The following KANK1 variants were observed in gnomAD, a reference collection of about 807,000 sequenced individuals.
KANK1 encodes KN motif and ankyrin repeat domains 1.
Under a neutral mutation model 106.2 loss-of-function variants are expected in KANK1, and 109 were observed. The observed-to-expected ratio is 1.03, with a 90% CI of 0.88 to 1.20. The LOEUF is 1.20. Ranked by LOEUF, KANK1 falls within the 50% of genes most tolerant of loss-of-function variation. KANK1 has a pLI of 0.00. For synonymous variants in KANK1, 873 were observed against 652.2 expected, an observed-to-expected ratio of 1.34 and a Z score of -5.16; for missense variants, 2,399 against 1,710.7, an observed-to-expected ratio of 1.40 and a Z score of -7.10.
chr9:471,532 G>A (rs1172128523), intron 2 of KANK1: 1 of 152,204 alleles, frequency 6.6e-6, no homozygotes, highest in East Asian at 1.9e-4. Context: ...CAGGACCAAA[G>A]TAAATAAGAT....
chr9:478,874 TGAA>T (rs2132121524), intron 3 of KANK1, among the ~76,000 whole-genome samples: 1 of 152,038 alleles, frequency 6.6e-6, no homozygotes, highest in Non-Finnish European at 1.5e-5. Context: ...CCCCATTATA[TGAA>T]GAAGACAAAT....
At chr9:694,844 G>A (rs571409536) in intron 2 of KANK1, among the ~76,000 whole-genome samples, 1 of 152,316 alleles carries the variant, frequency 6.6e-6, no homozygotes, top group South Asian at 2.1e-4. Flanking sequence ...CTGGAAAGGT[G>A]CTGCTGAGTG....
chr9:545,558 G>A lies in KANK1; in HGVS notation c.-84+40804G>A, dbSNP rs140169730. ...AGGAGGAATGGACAGAAAGGGTGGA[G>A]GAAATCTTCATGGGTGCTTTTCAAG... is the stretch of plus-strand genomic sequence containing the variant. On this transcript the variant is annotated intron_variant, in intron 1 of 11. Coordinates refer to ENST00000382297, the MANE Select transcript of KANK1 (RefSeq NM_015158.5). Among the ~76,000 whole-genome samples, 49 of 152,128 alleles carry A rather than the reference G, an allele frequency of 3.2e-4. No individual in the cohort carries two copies. In the East Asian group the frequency reaches 9.3e-3, roughly 29 times the overall value.
At chr9:710,747 GT>G in intron 2 of KANK1, 56 bp from the exon 3 acceptor site, 1 of 1,469,074 alleles carries the variant, frequency 6.8e-7, no homozygotes, top group Non-Finnish European at 9.1e-7. Context: ...ACAAATATTA[GT>G]TTTTACCATT....
chr9:693,624 G>A lies in KANK1; in HGVS notation c.37+16615G>A, dbSNP rs555636950. The stretch of plus-strand genomic sequence containing the variant: ...AATTAAACCCCGTGGCCAGCAGGCT[G>A]TTAGTTCGTCAGGAAATTCCAAATG... On this transcript the variant is annotated intron_variant, in intron 2 of 11. Coordinates refer to ENST00000382297, the MANE Select transcript of KANK1 (RefSeq NM_015158.5). 2.2e-4 allele frequency: 212 copies of A among 985,406 alleles called. 1 individual carries two copies. The African/African-American group carries it at 3.6e-3, about 17-fold the overall frequency. The allele number at this position is 985,406 out of a possible 1,614,324, so 61.0% of individuals were successfully genotyped here.
chr9:586,187 T>C (rs948968386), intron 1 of KANK1, among the ~76,000 whole-genome samples: 1 of 152,228 alleles, frequency 6.6e-6, no homozygotes, highest in African/African-American at 2.4e-5. Flanking sequence ...TGTCTAAGTT[T>C]GGCAGAGTGG....
intron 1 of KANK1, among the ~76,000 whole-genome samples, chr9:618,884 T>C (rs1049166638): frequency 1.3e-5 from 2 of 152,152 alleles, no homozygotes; most frequent in Non-Finnish European, 1.5e-5. Context: ...CCATGGCTCC[T>C]CACGAGCCTT....
intron 2 of KANK1, among the ~76,000 whole-genome samples, chr9:678,848 G>C (rs1816921881): frequency 6.6e-6 from 1 of 152,128 alleles, no homozygotes; most frequent in Non-Finnish European, 1.5e-5. Context: ...CTGATGATGT[G>C]GTTTCCTCCC....
chr9:623,821 A>T (rs1472686159), intron 1 of KANK1, among the ~76,000 whole-genome samples: 1 of 152,120 alleles, frequency 6.6e-6, no homozygotes, highest in Non-Finnish European at 1.5e-5. Flanking sequence ...CATTATGGAC[A>T]TTGGTATGGA....
chr9:594,681 C>T (rs751834018), intron 1 of KANK1, among the ~76,000 whole-genome samples: 1 of 151,656 alleles, frequency 6.6e-6, no homozygotes, highest in Non-Finnish European at 1.5e-5. Flanking sequence ...AAACTCTGAT[C>T]CACAATTATA....
intron 2 of KANK1, among the ~76,000 whole-genome samples, chr9:705,373 C>T (rs1823799102): frequency 6.6e-6 from 1 of 152,130 alleles, no homozygotes; most frequent in South Asian, 2.1e-4. Context: ...GTAATCCCAG[C>T]TCCTCGGGAG....
Position 474,505 on chromosome 9 carries a change from C to T in KANK1, c.-362+1232C>T, listed in dbSNP as rs190359690. On this transcript the variant is annotated intron_variant, in intron 3 of 15. Transcript: ENST00000382303. ...AGGTGCCAGGCCTAGGACAAGGGCT[C>T]AATAAATGTCAGCGATTATTTTATT... 5.9e-4 allele frequency among the ~76,000 whole-genome samples: 90 copies of T among 152,292 alleles called. 2 individuals carry two copies. The highest frequency in any genetic ancestry group is 2.1e-4 in the South Asian group (1 of 4,818).
chr9:526,136 A>G lies in KANK1; in HGVS notation c.-84+21382A>G, dbSNP rs982401644. On this transcript the variant is annotated intron_variant, in intron 1 of 11. Transcript: ENST00000382297. ...ATTTTGTGATCTTAGTCACTTTACA[A>G]TTATAAAAATTTTGGAGCTAATGAG... is the stretch of plus-strand genomic sequence containing the variant. Among the ~76,000 whole-genome samples, 29 of 151,714 alleles carry G rather than the reference A, an allele frequency of 1.9e-4. 2 individuals carry two copies. The highest frequency in any genetic ancestry group is 6.8e-4 in the African/African-American group (28 of 41,020).
chr9:482,123 A>C (rs1011162688), intron 3 of KANK1, among the ~76,000 whole-genome samples: 1 of 152,184 alleles, frequency 6.6e-6, no homozygotes, highest in Non-Finnish European at 1.5e-5. Context: ...TACCACCTGC[A>C]GTCAGAGCCC....
chr9:503,372 TGA>T (rs2132518255), upstream of KANK1, among the ~76,000 whole-genome samples: 1 of 152,264 alleles, frequency 6.6e-6, no homozygotes, highest in East Asian at 1.9e-4. Flanking sequence ...GCAAAGGCGC[TGA>T]GATTCAAAAT....
intron 2 of KANK1, among the ~76,000 whole-genome samples, chr9:700,699 G>A (rs1317109784): frequency 6.6e-6 from 1 of 152,100 alleles, no homozygotes; most frequent in Non-Finnish European, 1.5e-5. Context: ...ATGTGAGAGG[G>A]GACAATAACA....
At chr9:527,370 T>C (rs190039376) in intron 1 of KANK1, among the ~76,000 whole-genome samples, 1 of 151,860 alleles carries the variant, frequency 6.6e-6, no homozygotes, top group East Asian at 1.9e-4. Context: ...GGCGCGATCT[T>C]GGCTCGCGGC....
intron 1 of KANK1, among the ~76,000 whole-genome samples, chr9:561,567 A>G (rs1324712452): frequency 6.6e-6 from 1 of 152,230 alleles, no homozygotes; most frequent in Admixed American, 6.5e-5. Flanking sequence ...CTGAGTCAGC[A>G]TTGGTACTAT....
rs201864990 is a variant in KANK1, at chr9:497,209, C to CA, written c.-362+23944dup. Among the ~76,000 whole-genome samples, 79 of 150,928 alleles carry CA rather than the reference C, an allele frequency of 5.2e-4. 1 individual carries two copies. The highest frequency in any genetic ancestry group is 3.1e-3 in the South Asian group (15 of 4,762). ...GGTCTTTTCCTTCAACATTTAGTCT[C>CA]AAAAAAAAGAAAAAAAGGAAAAGAA... On this transcript the variant is annotated intron_variant, in intron 3 of 15. Coordinates refer to the KANK1 transcript ENST00000382303.
Sources: gnomAD v4.1 joint callset for allele counts (sites outside exome capture counted in the v4.1 genomes callset) on GRCh38, gnomAD v4.1.1 for gene constraint, MANE v1.5 for transcripts, NCBI Gene and HGNC (gene_info 2026-07-23, HGNC 2026-07-21) for gene names.